The following CPM variants were observed in gnomAD, a reference collection of about 807,000 sequenced individuals.
CPM encodes the protein carboxypeptidase M.
In CPM, 35 loss-of-function variants were observed where a neutral mutation model predicts 46.4. The ratio of observed to expected loss-of-function variants is 0.75; its 90% CI spans 0.58 to 1.00. CPM has a LOEUF of 1.00. Ranked by LOEUF, CPM falls within the 50% of genes least tolerant of loss-of-function variation. The pLI, the probability that CPM is intolerant of heterozygous loss-of-function variation, is 0.00. For synonymous variants in CPM, 195 were observed against 195.3 expected (o/e 1.00, Z 0.01); for missense variants, 422 against 530.4 (o/e 0.80, Z 2.01).
Position 68,940,228 on chromosome 12 carries a change from C to T in CPM, c.-3-7388G>A, listed in dbSNP as rs190153476. Among the ~76,000 whole-genome samples, 411 of 152,088 alleles carry T rather than the reference C, an allele frequency of 2.7e-3. 1 individual carries two copies. The highest frequency in any genetic ancestry group is 9.6e-3 in the African/African-American group (400 of 41,492). ...ACCCTTTTCCTGCCCTACCCACATA[C>T]ACAGTTTCCCTTATTATTAACATCT... On this transcript the variant is annotated intron_variant, in intron 1 of 8. Coordinates refer to the CPM transcript ENST00000546373.
intron 7 of CPM, among the ~76,000 whole-genome samples, chr12:68,864,648 A>G (rs969441331): frequency 2.0e-5 from 3 of 152,214 alleles, no homozygotes; most frequent in Non-Finnish European, 4.4e-5. Flanking sequence ...GTGCAGTTAC[A>G]CAGAGCATAT....
intron 8 of CPM, among the ~76,000 whole-genome samples, 189 bp downstream of exon 8, chr12:68,858,734 T>C (rs1025926652): frequency 4.1e-5 from 5 of 121,954 alleles, no homozygotes; most frequent in Admixed American, 1.5e-4. Flanking sequence ...ATTTTTGTGG[T>C]TTTTTTTTTT....
intron 1 of CPM, among the ~76,000 whole-genome samples, chr12:68,956,072 C>T (rs956099404): frequency 2.0e-5 from 3 of 152,146 alleles, no homozygotes; most frequent in Non-Finnish European, 2.9e-5. Context: ...TGCTAAGGGG[C>T]TCCTGCAGGC....
At chr12:68,960,276 C>T (rs985207589) in intron 1 of CPM, among the ~76,000 whole-genome samples, 4 of 152,162 alleles carry the variant, frequency 2.6e-5, no homozygotes, top group Non-Finnish European at 2.9e-5. Context: ...AATACGATGT[C>T]GACGTTGGAT....
intron 2 of CPM, chr12:68,911,905 T>C (rs961661654): frequency 6.6e-6 from 1 of 152,230 alleles, no homozygotes; most frequent in Non-Finnish European, 1.5e-5. Context: ...TCAACCATTA[T>C]TAAACAGTCT....
intron 3 of CPM, 66 bp downstream of exon 3, chr12:68,885,726 A>G (rs1004540241): frequency 4.7e-6 from 6 of 1,287,266 alleles, no homozygotes; most frequent in Non-Finnish European, 6.7e-6. Context: ...GCATTTATAC[A>G]GAGCTCAAGA....
At chr12:68,920,711 T>C (rs886102493) in intron 2 of CPM, among the ~76,000 whole-genome samples, 1 of 150,126 alleles carries the variant, frequency 6.7e-6, no homozygotes. Flanking sequence ...TTTTTTTTTT[T>C]AGACAGAGAC....
intron 1 of CPM, among the ~76,000 whole-genome samples, chr12:68,944,409 CT>C (rs1274292381): frequency 6.6e-6 from 1 of 152,066 alleles, no homozygotes; most frequent in African/African-American, 2.4e-5. Context: ...AACGTACTTA[CT>C]TTTTTTCTTT....
intron 2 of CPM, among the ~76,000 whole-genome samples, chr12:68,893,990 A>G (rs1886762690): frequency 6.6e-6 from 1 of 152,122 alleles, no homozygotes; most frequent in Non-Finnish European, 1.5e-5. Context: ...TAACCCTGCA[A>G]TGGCACTCTG....
intron 2 of CPM, among the ~76,000 whole-genome samples, chr12:68,896,966 C>CT (rs1425471282): frequency 1.3e-5 from 2 of 151,442 alleles, no homozygotes; most frequent in East Asian, 1.9e-4. Context: ...AATAAATTTT[C>CT]TTTTTTTTCT....
At chr12:68,886,830 G>A (rs1200506593) in intron 2 of CPM, among the ~76,000 whole-genome samples, 1 of 152,134 alleles carries the variant, frequency 6.6e-6, no homozygotes, top group Non-Finnish European at 1.5e-5. Flanking sequence ...AGCTCTGTGT[G>A]ATCTGGGCAA....
At chr12:68,910,259 C>G (rs1322346169) in intron 2 of CPM, among the ~76,000 whole-genome samples, 5 of 152,036 alleles carry the variant, frequency 3.3e-5, no homozygotes, top group East Asian at 1.9e-4. Flanking sequence ...TAGTTTGAAA[C>G]AGTTAAAAAA....
At chr12:68,903,326 C>A (rs1887194738) in intron 2 of CPM, among the ~76,000 whole-genome samples, 1 of 152,158 alleles carries the variant, frequency 6.6e-6, no homozygotes, top group East Asian at 1.9e-4. Flanking sequence ...CCTCTCATAC[C>A]CGTAAACTGT....
intron 2 of CPM, among the ~76,000 whole-genome samples, chr12:68,892,348 T>C (rs1158917621): frequency 6.6e-6 from 1 of 152,088 alleles, no homozygotes; most frequent in Non-Finnish European, 1.5e-5. Flanking sequence ...AGGGGCACAA[T>C]GAGGATGGTT....
chr12:68,897,471 G>C (rs1366419590), intron 2 of CPM, among the ~76,000 whole-genome samples: 4 of 152,006 alleles, frequency 2.6e-5, no homozygotes, highest in African/African-American at 9.7e-5. Flanking sequence ...TTACCTTAAA[G>C]TACAAATGAA....
intron 2 of CPM, among the ~76,000 whole-genome samples, chr12:68,929,107 T>C (rs1888396650): frequency 6.6e-6 from 1 of 152,086 alleles, no homozygotes; most frequent in Admixed American, 6.5e-5. Flanking sequence ...TATCTATTGA[T>C]AGTCAACCCT....
chr12:68,959,199 C>G (rs762797416), intron 1 of CPM, among the ~76,000 whole-genome samples: 2 of 152,170 alleles, frequency 1.3e-5, no homozygotes, highest in Non-Finnish European at 2.9e-5. Context: ...CATCCCAGCA[C>G]CCACAGCAGT....
At chr12:68,861,849 A>G (rs996893858) in intron 7 of CPM, among the ~76,000 whole-genome samples, 3 of 147,854 alleles carry the variant, frequency 2.0e-5, no homozygotes, top group African/African-American at 7.5e-5. Context: ...ATTCTTTAAC[A>G]TTGGAGATAA....
Position 68,856,659 on chromosome 12 carries a change from A to T in CPM, c.1110T>A (p.Asp370Glu). Residue 370 changes from aspartate (D) to glutamate (E), a missense_variant, in exon 9 of 9, where the codon GAT (aspartate) becomes GAA (glutamate). Transcript: ENST00000551568. ...GAATAATCACCTTTGTGATGTGTGGATCATGTCCAGGGACTGTAACCTGAG... is the reference window on the plus strand; with the variant it reads ...GAATAATCACCTTTGTGATGTGTGGTTCATGTCCAGGGACTGTAACCTGAG... ...YIINVTVPGH[D>E]PHITKVIIPE... The T allele has an allele frequency of 6.2e-7, 1 of 1,614,214 alleles. No individual in the cohort carries two copies. The highest frequency in any genetic ancestry group is 8.5e-7 in the Non-Finnish European group (1 of 1,180,020).
Sources: allele counts gnomAD v4.1 joint callset (sites outside exome capture counted in the v4.1 genomes callset), GRCh38; gene constraint gnomAD v4.1.1; transcripts MANE v1.5; gene names NCBI Gene and HGNC (gene_info 2026-07-23, HGNC 2026-07-21).